The following ABCG2 variants were observed in gnomAD, a reference collection of about 807,000 sequenced individuals.
ABCG2 encodes ATP binding cassette subfamily G member 2 (JR blood group), also known as broad substrate specificity ATP-binding cassette transporter ABCG2.
In ABCG2, 80 loss-of-function variants were observed where a neutral mutation model predicts 73.5. That is an observed-to-expected ratio of 1.09 (90% CI 0.91 to 1.31). The LOEUF is 1.31. ABCG2 is among the 50% of genes most tolerant of loss of function. The pLI, the probability that ABCG2 is intolerant of heterozygous loss-of-function variation, is 0.00. For missense variants in ABCG2, 796 were observed against 786.2 expected (o/e 1.01, Z -0.15); for synonymous variants, 269 against 282.4 (o/e 0.95, Z 0.48).
At position 88,171,912 on chromosome 4, in the gene ABCG2, G is replaced by T. The variant is rs767949113; in HGVS notation, c.-19-31898C>A. On this transcript the variant is annotated intron_variant, in intron 1 of 15. Transcript: ENST00000515655. ...AGCAGGAGGATCACTTGAGGCCAAA[G>T]GAGTTCCAGGCCACAGTGTGCTATG... 6.0e-4 allele frequency among the ~76,000 whole-genome samples: 91 copies of T among 152,206 alleles called. No individual in the cohort carries two copies. In the Middle Eastern group the frequency reaches 0.02, roughly 34 times the overall value.
chr4:88,181,317 T>C (rs1276948990), intron 1 of ABCG2, among the ~76,000 whole-genome samples: 1 of 148,224 alleles, frequency 6.7e-6, no homozygotes, highest in Non-Finnish European at 1.5e-5. Flanking sequence ...GGAGAATTGC[T>C]TGAACCCAGG....
intron 1 of ABCG2, among the ~76,000 whole-genome samples, chr4:88,179,985 G>A (rs1580354): frequency 1 from 151,891 of 152,254 alleles, 75,766 homozygotes; most frequent in Middle Eastern, 1. Flanking sequence ...TGGCCTTAAA[G>A]AGGAGGTAGA....
At chr4:88,155,015 C>T (rs1214675063) in intron 1 of ABCG2, among the ~76,000 whole-genome samples, 2 of 152,102 alleles carry the variant, frequency 1.3e-5, no homozygotes, top group Non-Finnish European at 1.5e-5. Context: ...TCTGACTGCA[C>T]AGCCCTGCAC....
intron 9 of ABCG2, among the ~76,000 whole-genome samples, chr4:88,111,601 T>C (rs908034040): frequency 5.3e-5 from 8 of 152,256 alleles, no homozygotes; most frequent in Admixed American, 2.0e-4. Flanking sequence ...TACTTAAGTA[T>C]AGAAATTATG....
chr4:88,210,769 G>A (rs1729560559), intron 1 of ABCG2, among the ~76,000 whole-genome samples: 1 of 152,098 alleles, frequency 6.6e-6, no homozygotes, highest in South Asian at 2.1e-4. Flanking sequence ...ATATTTTATA[G>A]AGACAGTCTT....
At chr4:88,117,324 GAA>G (rs113415313) in intron 7 of ABCG2, among the ~76,000 whole-genome samples, 5 of 133,404 alleles carry the variant, frequency 3.7e-5, no homozygotes, top group African/African-American at 8.0e-5. Flanking sequence ...TATCTCAAAA[GAA>G]AAAAAAAAAA....
intron 2 of ABCG2, among the ~76,000 whole-genome samples, chr4:88,137,175 C>T (rs533019951): frequency 3.3e-5 from 5 of 152,102 alleles, no homozygotes; most frequent in East Asian, 1.9e-4. Context: ...CATAATAATG[C>T]GTTAATTGAA....
At chr4:88,138,201 T>A (rs910763921) in intron 2 of ABCG2, among the ~76,000 whole-genome samples, 1 of 152,194 alleles carries the variant, frequency 6.6e-6, no homozygotes, top group African/African-American at 2.4e-5. Context: ...TAATTAAAAA[T>A]GTTCCAAGAG....
intron 1 of ABCG2, among the ~76,000 whole-genome samples, chr4:88,180,898 A>T (rs1048940509): frequency 9.9e-5 from 15 of 152,228 alleles, no homozygotes; most frequent in African/African-American, 3.1e-4. Flanking sequence ...CAAAGTGTAA[A>T]CTACTCATAT....
intron 8 of ABCG2, 104 bp from the exon 9 acceptor site, chr4:88,113,657 C>T: frequency 7.0e-7 from 1 of 1,433,730 alleles, no homozygotes; most frequent in Non-Finnish European, 9.4e-7. Flanking sequence ...CACCTTCATT[C>T]TAAAGCTTTA....
At chr4:88,133,108 G>A (rs754391906) in intron 2 of ABCG2, among the ~76,000 whole-genome samples, 1 of 152,132 alleles carries the variant, frequency 6.6e-6, no homozygotes, top group Non-Finnish European at 1.5e-5. Flanking sequence ...AAACATCTCC[G>A]TTACACTTAC....
chr4:88,127,939 G>A (rs1724547248), intron 5 of ABCG2, among the ~76,000 whole-genome samples: 2 of 142,084 alleles, frequency 1.4e-5, no homozygotes, highest in African/African-American at 5.2e-5. Context: ...AAGAGCTTCT[G>A]CACAGCAAAA....
chr4:88,163,712 C>A, upstream of ABCG2: 1 of 396,196 alleles, frequency 2.5e-6, no homozygotes, highest in South Asian at 2.0e-5. Flanking sequence ...GTCCCTGGGG[C>A]ACTCAGAGAG....
At chr4:88,092,409 C>T (rs1279335000) in intron 15 of ABCG2, 28 bp from the exon 16 acceptor site, 36 of 1,598,438 alleles carry the variant, frequency 2.3e-5, no homozygotes, top group Non-Finnish European at 3.1e-5. Context: ...AAGAATATAA[C>T]TTCATTCCTA....
rs181183090 is a variant in ABCG2 at position 88,188,830 on chromosome 4, A to G, written c.-20+42164T>C. ...GGAGTTCAAGACCAGCCTGGGCAAC[A>G]TGGCAAAACCAGTCTCTACAAAATA... On this transcript the variant is annotated intron_variant, in intron 1 of 15. Transcript: ENST00000515655. Among the ~76,000 whole-genome samples, 52 of 151,992 alleles carry G rather than the reference A, an allele frequency of 3.4e-4. 1 individual carries two copies. In the Middle Eastern group the frequency reaches 0.017, roughly 50 times the overall value.
chr4:88,100,109 T>C (rs1722287057), intron 11 of ABCG2, among the ~76,000 whole-genome samples: 1 of 151,434 alleles, frequency 6.6e-6, no homozygotes, highest in Non-Finnish European at 1.5e-5. Flanking sequence ...ATATGTGACA[T>C]GTACATTTGG....
In ABCG2 at chr4:88,169,263, C is replaced by G. The variant is rs142890537; in HGVS notation, c.-19-29249G>C. Among the ~76,000 whole-genome samples, 837 of 152,196 alleles carry G rather than the reference C, an allele frequency of 5.5e-3. 21 individuals are homozygous for G. The highest frequency in any genetic ancestry group is 0.016 in the East Asian group (85 of 5,176). Reference sequence around the variant, plus strand: ...GTTTCACCATGTTGGCCAGGCTGGTCTGGAACTCCTGACCTCATGATCCAC... The same window carrying G: ...GTTTCACCATGTTGGCCAGGCTGGTGTGGAACTCCTGACCTCATGATCCAC... On this transcript the variant is annotated intron_variant, in intron 1 of 15. Coordinates refer to the ABCG2 transcript ENST00000515655.
At chr4:88,155,088 T>TAAAG (rs1726847310) in intron 1 of ABCG2, among the ~76,000 whole-genome samples, 1 of 151,988 alleles carries the variant, frequency 6.6e-6, no homozygotes, top group Non-Finnish European at 1.5e-5. Flanking sequence ...GGGGGCAGTC[T>TAAAG]CTAAAGCTGT....
At chr4:88,230,453 C>T (rs943465887) in intron 1 of ABCG2, among the ~76,000 whole-genome samples, 1 of 151,600 alleles carries the variant, frequency 6.6e-6, no homozygotes, top group African/African-American at 2.4e-5. Context: ...ATGATATAGG[C>T]AGTTAATACA....
Sources: gnomAD v4.1 joint callset for allele counts (sites outside exome capture counted in the v4.1 genomes callset) on GRCh38, gnomAD v4.1.1 for gene constraint, MANE v1.5 for transcripts, NCBI Gene and HGNC (gene_info 2026-07-23, HGNC 2026-07-21) for gene names.